GLIPR1: variants seen among roughly 807,000 people sequenced by gnomAD.
GLIPR1 encodes the protein GLI pathogenesis related 1.
In GLIPR1, 38 loss-of-function variants were observed where a neutral mutation model predicts 30.3. The ratio of observed to expected loss-of-function variants is 1.26; its 90% confidence interval spans 0.97 to 1.65. The LOEUF is 1.65. Ranked by LOEUF, GLIPR1 falls within the 40% of genes most tolerant of loss-of-function variation. GLIPR1 has a pLI of 0.00. For missense variants in GLIPR1, 285 were observed against 326.5 expected, an observed-to-expected ratio of 0.87 and a Z score of 0.98; for synonymous variants, 122 against 110.6, an observed-to-expected ratio of 1.10 and a Z score of -0.65.
intron 2 of GLIPR1, among the ~76,000 whole-genome samples, 177 bp from the exon 3 acceptor site, chr12:75,490,229 A>ACACACC (rs1231155350): frequency 2.2e-5 from 3 of 137,142 alleles, no homozygotes; most frequent in Non-Finnish European, 4.9e-5. Context: ...ACACACACAC[A>ACACACC]CACACCCCAA....
At chr12:75,493,060 C>T (rs1566098710) in intron 3 of GLIPR1, 1 of 152,148 alleles carries the variant, frequency 6.6e-6, no homozygotes, top group Non-Finnish European at 1.5e-5. Flanking sequence ...CAAGTTTAAA[C>T]CACAGAGACT....
chr12:75,491,211 T>C (rs1451275538), intron 3 of GLIPR1: 1 of 152,230 alleles, frequency 6.6e-6, no homozygotes, highest in Non-Finnish European at 1.5e-5. Flanking sequence ...CTCTCAGCAC[T>C]GTTAAAGTGC....
intron 1 of GLIPR1, 117 bp downstream of exon 1, chr12:75,481,171 A>G: frequency 2.8e-6 from 2 of 701,868 alleles, no homozygotes; most frequent in Non-Finnish European, 4.6e-6. Context: ...TGATTAATGT[A>G]TGCAGTAAAT....
Position 75,499,805 on chromosome 12 carries a change from T to A in GLIPR1, c.*827T>A, listed in dbSNP as rs755838106. On this transcript the variant is annotated 3_prime_UTR_variant, in exon 6 of 6. Transcript: ENST00000266659. ...ATAGTTCTAGTCAAGGAGTTTTGGG[T>A]ATGTTACTTTTTTTTCTTCTTTTTC... 5.6e-6 allele frequency: 9 copies of A among 1,595,310 alleles called. No individual in the cohort carries two copies. Among genetic ancestry groups the A allele is most frequent in the Non-Finnish European group, 7.7e-6 (9 of 1,172,928 alleles).
intron 1 of GLIPR1, 195 bp downstream of exon 1, chr12:75,481,249 C>T (rs1325263714): frequency 4.7e-6 from 2 of 421,366 alleles, no homozygotes; most frequent in Non-Finnish European, 8.4e-6. Context: ...AAGCAAGTGC[C>T]ACAGCACATT....
Position 75,503,112 on chromosome 12 carries a change from G to C in GLIPR1, c.*4134G>C, listed in dbSNP as rs2046405693. The C allele has an allele frequency of 1.3e-5, 2 of 152,094 alleles. No individual in the cohort carries two copies. The highest frequency in any genetic ancestry group is 4.1e-4 in the South Asian group (2 of 4,832). The allele number at this position is 152,094 out of a possible 1,614,324, so 9.4% of individuals were successfully genotyped here. ...AACCCCCAGGAGACAGGTGAAGATGGAATTCAAAGAACACATAGAAGAGGC... is the reference window on the plus strand; with the variant it reads ...AACCCCCAGGAGACAGGTGAAGATGCAATTCAAAGAACACATAGAAGAGGC... On this transcript the variant is annotated 3_prime_UTR_variant, in exon 6 of 6. Coordinates refer to ENST00000266659, the MANE Select transcript of GLIPR1 (RefSeq NM_006851.3).
In GLIPR1 at chr12:75,498,959, A is replaced by T; in HGVS notation, c.782A>T (p.Asn261Ile). 6.3e-7 allele frequency: 1 copy of T among 1,599,382 alleles called. No homozygotes were observed. The highest frequency in any genetic ancestry group is 8.5e-7 in the Non-Finnish European group (1 of 1,174,410). Residue 261 changes from asparagine to isoleucine, a missense_variant, in exon 6 of 6, where the codon AAT becomes ATT. Asn to Ile is a moderately radical substitution (Grantham distance 149). Coordinates refer to ENST00000266659, the MANE Select transcript of GLIPR1 (RefSeq NM_006851.3). Reference sequence around the variant, plus strand: ...ATTTTGGTACAGCACAAGTACCCTAATTTAGTTCTTTTGGACTAATACAAT... The same window carrying T: ...ATTTTGGTACAGCACAAGTACCCTATTTTAGTTCTTTTGGACTAATACAAT... ...ITILVQHKYP[N>I]LVLLD
At chr12:75,486,603 G>A (rs796811463) in intron 2 of GLIPR1, among the ~76,000 whole-genome samples, 1 of 152,286 alleles carries the variant, frequency 6.6e-6, no homozygotes, top group African/African-American at 2.4e-5. Context: ...TTTAAAAAGA[G>A]ACTGACTTGG....
chr12:75,482,629 A>C (rs1003830722), intron 2 of GLIPR1, among the ~76,000 whole-genome samples: 1 of 152,104 alleles, frequency 6.6e-6, no homozygotes, highest in African/African-American at 2.4e-5. Context: ...CAACGTGTAA[A>C]CTTATATGAA....
Position 75,498,953 on chromosome 12 carries a change from A to G in GLIPR1, c.776A>G (p.Tyr259Cys), listed in dbSNP as rs2120579108. 6.2e-7 allele frequency: 1 copy of G among 1,601,804 alleles called. No homozygotes were observed. Among genetic ancestry groups the G allele is most frequent in the Non-Finnish European group, 8.5e-7 (1 of 1,175,350 alleles). ...VIITILVQHK[Y>C]PNLVLLD ...ATTACCATTTTGGTACAGCACAAGT[A>G]CCCTAATTTAGTTCTTTTGGACTAA... The change falls in exon 6 of 6, where the codon TAC becomes TGC. Residue 259 changes from tyrosine (Y) to cysteine (C), a missense_variant. Tyr to Cys is a radical substitution (Grantham distance 194). Transcript: ENST00000266659.
At chr12:75,489,244 C>A (rs1180423237) in intron 2 of GLIPR1, among the ~76,000 whole-genome samples, 9 of 152,202 alleles carry the variant, frequency 5.9e-5, no homozygotes, top group Non-Finnish European at 1.3e-4. Flanking sequence ...GCATGGGGCT[C>A]TTTTGAGTGC....
At chr12:75,496,009 G>T (rs11399298) in intron 4 of GLIPR1, 36,098 of 138,802 alleles carry the variant, frequency 0.26, 5,033 homozygotes, top group African/African-American at 0.31. Context: ...TTTTTTTTTT[G>T]TTTTTTTTTT....
rs2046395776 is a variant in GLIPR1 at position 75,501,780 on chromosome 12, C to T, written c.*2802C>T. On this transcript the variant is annotated 3_prime_UTR_variant, in exon 6 of 6. Coordinates refer to ENST00000266659, the MANE Select transcript of GLIPR1 (RefSeq NM_006851.3). Reference sequence around the variant, plus strand: ...GGTGGAATAAATGCTTTGTTTCTTTCCTCTTGTCTCTTACTGATGGCTTCT... The same window carrying T: ...GGTGGAATAAATGCTTTGTTTCTTTTCTCTTGTCTCTTACTGATGGCTTCT... 6.2e-7 allele frequency: 1 copy of T among 1,610,748 alleles called. No individual in the cohort carries two copies. Among genetic ancestry groups the T allele is most frequent in the Non-Finnish European group, 8.5e-7 (1 of 1,178,316 alleles).
intron 4 of GLIPR1, 133 bp downstream of exon 4, chr12:75,495,795 C>T (rs570229799): frequency 1.8e-6 from 1 of 570,402 alleles, no homozygotes; most frequent in Admixed American, 2.8e-5. Flanking sequence ...GCAATTAAAC[C>T]AATGGCTTAC....
intron 2 of GLIPR1, among the ~76,000 whole-genome samples, chr12:75,488,755 C>T (rs543975491): frequency 6.6e-6 from 1 of 152,298 alleles, no homozygotes; most frequent in East Asian, 1.9e-4. Flanking sequence ...TGGAAGACTC[C>T]AGACCAGCTC....
chr12:75,496,274 G>A (rs1290841909), intron 4 of GLIPR1: 1 of 152,078 alleles, frequency 6.6e-6, no homozygotes, highest in African/African-American at 2.4e-5. Flanking sequence ...ACAATCACTT[G>A]AGCCCAGGAG....
At chr12:75,494,264 T>G (rs1285391508) in intron 3 of GLIPR1, 1 of 152,212 alleles carries the variant, frequency 6.6e-6, no homozygotes, top group Non-Finnish European at 1.5e-5. Flanking sequence ...CCATAAACTT[T>G]GATTAGAAAA....
rs1202291662 is a variant in GLIPR1, at chr12:75,501,758, G to A, written c.*2780G>A. ...TTTCACAATTGGTTTTTCCTTAGGT[G>A]GAATAAATGCTTTGTTTCTTTCCTC... On this transcript the variant is annotated 3_prime_UTR_variant, in exon 6 of 6. Coordinates refer to ENST00000266659, the MANE Select transcript of GLIPR1 (RefSeq NM_006851.3). 4.3e-6 allele frequency: 7 copies of A among 1,610,674 alleles called. No homozygotes were observed. The highest frequency in any genetic ancestry group is 5.9e-6 in the Non-Finnish European group (7 of 1,178,088).
intron 2 of GLIPR1, chr12:75,483,682 C>T (rs1442005804): frequency 6.6e-6 from 1 of 152,200 alleles, no homozygotes; most frequent in East Asian, 1.9e-4. Context: ...GAATGAGCAA[C>T]TTATCCGGCC....
Sources: gnomAD v4.1 joint callset for allele counts (sites outside exome capture counted in the v4.1 genomes callset) on GRCh38, gnomAD v4.1.1 for gene constraint, MANE v1.5 for transcripts, NCBI Gene and HGNC (gene_info 2026-07-23, HGNC 2026-07-21) for gene names.